The following CHST11 variants were observed in gnomAD, a reference collection of about 807,000 sequenced individuals.
CHST11 encodes carbohydrate sulfotransferase 11.
CHST11 carries 9 observed loss-of-function variants against 30.4 expected under a neutral mutation model. That is an observed-to-expected ratio of 0.30 (90% CI 0.18 to 0.52). CHST11 has a LOEUF of 0.52. Among genes scored for constraint, CHST11 ranks in the 20% least tolerant of loss-of-function variants. The pLI is 0.97. For missense variants in CHST11, 348 were observed against 460.6 expected (o/e 0.76, Z 2.24); for synonymous variants, 152 against 187.8 (o/e 0.81, Z 1.56).
At chr12:104,646,334 T>C (rs1392965354) in intron 2 of CHST11, among the ~76,000 whole-genome samples, 2 of 152,326 alleles carry the variant, frequency 1.3e-5, no homozygotes, top group African/African-American at 4.8e-5. Context: ...TACTTAGTCT[T>C]CAGACCTTGT....
chr12:104,468,838 C>T (rs1239716540), intron 1 of CHST11, among the ~76,000 whole-genome samples: 2 of 152,086 alleles, frequency 1.3e-5, no homozygotes, highest in East Asian at 1.9e-4. Flanking sequence ...GTAATGTTAC[C>T]TCTTTTATGG....
chr12:104,668,592 G>T (rs1206611833), intron 2 of CHST11, among the ~76,000 whole-genome samples: 1 of 152,184 alleles, frequency 6.6e-6, no homozygotes, highest in Non-Finnish European at 1.5e-5. Flanking sequence ...AAGGGAAGAG[G>T]CATTCCAGGT....
intron 1 of CHST11, among the ~76,000 whole-genome samples, chr12:104,459,790 A>G (rs887081513): frequency 2.0e-5 from 3 of 151,918 alleles, no homozygotes; most frequent in Non-Finnish European, 1.5e-5. Flanking sequence ...CTCTAGTCCT[A>G]TTTTCTCCCA....
intron 1 of CHST11, among the ~76,000 whole-genome samples, chr12:104,592,179 C>T (rs1041510337): frequency 6.7e-6 from 1 of 150,120 alleles, no homozygotes; most frequent in Non-Finnish European, 1.5e-5. Context: ...TCTCTCTTCT[C>T]CCTTCCCGTC....
intron 1 of CHST11, among the ~76,000 whole-genome samples, chr12:104,533,083 C>G (rs977745070): frequency 3.9e-5 from 6 of 152,130 alleles, no homozygotes; most frequent in Non-Finnish European, 7.4e-5. Flanking sequence ...GCTTCCAAAT[C>G]TCTTTTCTTG....
At chr12:104,686,466 A>G (rs919125866) in intron 2 of CHST11, among the ~76,000 whole-genome samples, 2 of 152,118 alleles carry the variant, frequency 1.3e-5, no homozygotes, top group Non-Finnish European at 2.9e-5. Flanking sequence ...AGAAACTTGA[A>G]TCTGGTACTA....
intron 1 of CHST11, among the ~76,000 whole-genome samples, chr12:104,579,671 G>A (rs1471220808): frequency 2.0e-5 from 3 of 152,172 alleles, no homozygotes; most frequent in Non-Finnish European, 4.4e-5. Context: ...CCCTCTCCCC[G>A]GGGTGTATTC....
chr12:104,462,281 A>G (rs1288815849), intron 1 of CHST11, among the ~76,000 whole-genome samples: 1 of 149,482 alleles, frequency 6.7e-6, no homozygotes, highest in Non-Finnish European at 1.5e-5. Flanking sequence ...AAAATATATT[A>G]TAGAATATAT....
At chr12:104,654,960 G>T (rs983741203) in intron 2 of CHST11, among the ~76,000 whole-genome samples, 3 of 152,178 alleles carry the variant, frequency 2.0e-5, no homozygotes, top group African/African-American at 7.2e-5. Flanking sequence ...GAAGCATCTG[G>T]TCCTGTGTCT....
In CHST11 at chr12:104,757,562, A is replaced by G. The variant is rs2040490123; in HGVS notation, c.818A>G (p.Tyr273Cys). 2 of 1,614,136 alleles carry G rather than the reference A, an allele frequency of 1.2e-6. No individual in the cohort carries two copies. The highest frequency in any genetic ancestry group is 1.7e-6 in the Non-Finnish European group (2 of 1,180,012). Residue 273 changes from tyrosine (Y) to cysteine (C), a missense_variant, in exon 3 of 3, where the codon TAT becomes TGT. Tyr to Cys is a radical substitution (Grantham distance 194, BLOSUM62 -2). Coordinates refer to ENST00000303694, the MANE Select transcript of CHST11 (RefSeq NM_018413.6). This position sits in a 1 kb window ranked among gnomAD's most constrained non-coding sequence, Gnocchi z 6.5. ...YSLCHPCHIHYDLVGKYETLE... is the reference protein window; with the variant it reads ...YSLCHPCHIHCDLVGKYETLE... ...CTCTGCCATCCCTGCCACATCCACTATGACCTCGTGGGCAAGTACGAGACA... is the reference window on the plus strand; with the variant it reads ...CTCTGCCATCCCTGCCACATCCACTGTGACCTCGTGGGCAAGTACGAGACA...
At chr12:104,628,439 CTTG>C (rs1238130608) in intron 2 of CHST11, among the ~76,000 whole-genome samples, 2 of 152,194 alleles carry the variant, frequency 1.3e-5, no homozygotes, top group Admixed American at 1.3e-4. Flanking sequence ...CCTATCAAGA[CTTG>C]TTGAGCTTGG....
intron 2 of CHST11, among the ~76,000 whole-genome samples, chr12:104,723,011 G>A (rs559396434): frequency 8.6e-5 from 13 of 151,996 alleles, no homozygotes; most frequent in South Asian, 4.1e-4. Context: ...TGGTGCTGGC[G>A]TGCCCTGTCA....
At chr12:104,487,944 T>C (rs1449791670) in intron 1 of CHST11, among the ~76,000 whole-genome samples, 2 of 152,110 alleles carry the variant, frequency 1.3e-5, no homozygotes, top group African/African-American at 4.8e-5. Flanking sequence ...AGCCTTACTT[T>C]GTTTTCCAGG....
chr12:104,471,780 C>T (rs1176415006), intron 1 of CHST11, among the ~76,000 whole-genome samples: 1 of 152,154 alleles, frequency 6.6e-6, no homozygotes, highest in Non-Finnish European at 1.5e-5. Context: ...ATTTTTGGTA[C>T]TAAGTCTCCA....
chr12:104,755,612 C>T (rs963686818), intron 2 of CHST11, among the ~76,000 whole-genome samples: 1 of 152,040 alleles, frequency 6.6e-6, no homozygotes, highest in Non-Finnish European at 1.5e-5. Flanking sequence ...GTAGTGAAAC[C>T]CCGTCTCTAC....
At chr12:104,747,409 A>G (rs2040397077) in intron 2 of CHST11, among the ~76,000 whole-genome samples, 1 of 152,224 alleles carries the variant, frequency 6.6e-6, no homozygotes, top group Non-Finnish European at 1.5e-5. Context: ...TGTGAAGATC[A>G]ACAGTAGCTG....
chr12:104,670,469 A>ACCCC (rs34340804), intron 2 of CHST11, among the ~76,000 whole-genome samples: 14 of 148,646 alleles, frequency 9.4e-5, no homozygotes, highest in East Asian at 2.1e-4. Flanking sequence ...ATATGTTCAG[A>ACCCC]CCCACACACA....
chr12:104,555,190 T>C (rs1284499659), intron 1 of CHST11, among the ~76,000 whole-genome samples: 2 of 152,188 alleles, frequency 1.3e-5, no homozygotes, highest in East Asian at 1.9e-4. Flanking sequence ...GTCGAGGTTG[T>C]GCACACCTTG....
chr12:104,696,631 A>C (rs2039950112), intron 2 of CHST11, among the ~76,000 whole-genome samples: 1 of 152,038 alleles, frequency 6.6e-6, no homozygotes, highest in African/African-American at 2.4e-5. Flanking sequence ...ACGGTACTGC[A>C]CTCCAGCCTG....
Sources: gnomAD v4.1 joint callset for allele counts (sites outside exome capture counted in the v4.1 genomes callset) on GRCh38, gnomAD v4.1.1 for gene constraint, Gnocchi (gnomAD v3.1) non-coding constraint, MANE v1.5 for transcripts, NCBI Gene and HGNC (gene_info 2026-07-23, HGNC 2026-07-21) for gene names.